NKAIN2: variants seen among roughly 807,000 people sequenced by gnomAD.
The protein encoded by NKAIN2 is sodium/potassium transporting ATPase interacting 2, also known as sodium/potassium-transporting ATPase subunit beta-1-interacting protein 2.
In NKAIN2, 14 loss-of-function variants were observed where a neutral mutation model predicts 32.6. The observed-to-expected ratio is 0.43, with a 90% CI of 0.28 to 0.67. NKAIN2 has a LOEUF of 0.67. NKAIN2 is among the 30% of genes least tolerant of loss of function. NKAIN2 has a pLI of 0.17. For missense variants in NKAIN2, 198 were observed against 258.3 expected, an observed-to-expected ratio of 0.77 and a Z score of 1.60; for synonymous variants, 80 against 87.2, an observed-to-expected ratio of 0.92 and a Z score of 0.46.
intron 3 of NKAIN2, among the ~76,000 whole-genome samples, chr6:124,375,066 C>T (rs985112064): frequency 6.6e-6 from 1 of 151,942 alleles, no homozygotes; most frequent in Non-Finnish European, 1.5e-5. Flanking sequence ...ATTCCATCTG[C>T]CTAGAGCCTT....
At chr6:124,231,596 T>G (rs1792464527) in intron 1 of NKAIN2, among the ~76,000 whole-genome samples, 1 of 152,118 alleles carries the variant, frequency 6.6e-6, no homozygotes, top group African/African-American at 2.4e-5. Flanking sequence ...GCTGTTCTTG[T>G]GATAGTGAAT....
rs9388368 is a variant in NKAIN2 at position 124,728,325 on chromosome 6, T to C, written c.475-63014T>C. On this transcript the variant is annotated intron_variant, in intron 4 of 6. Transcript: ENST00000368417. ...CTTGGAAGTAAAGCTCTCCTCAGCA[T>C]ATGTAAAAGAAGAGAAATTATAACA... Among the ~76,000 whole-genome samples the C allele has an allele frequency of 6.6e-5, 5 of 75,930 alleles. 1 individual carries two copies. Among genetic ancestry groups the C allele is most frequent in the East Asian group, 1.0e-3 (2 of 1,978 alleles). The allele number at this position is 75,930 out of a possible 152,430, so 49.8% of individuals were successfully genotyped here.
intron 3 of NKAIN2, among the ~76,000 whole-genome samples, chr6:124,359,922 C>G (rs1313919007): frequency 6.6e-6 from 1 of 152,242 alleles, no homozygotes; most frequent in Non-Finnish European, 1.5e-5. Flanking sequence ...TCATAGATAA[C>G]TCTTATTATT....
At chr6:123,928,753 G>T (rs1776121099) in intron 1 of NKAIN2, among the ~76,000 whole-genome samples, 1 of 152,116 alleles carries the variant, frequency 6.6e-6, no homozygotes, top group African/African-American at 2.4e-5. Context: ...TTCATTTCTA[G>T]TCATATATCA....
chr6:124,262,053 G>A (rs1794278986), intron 1 of NKAIN2, among the ~76,000 whole-genome samples: 1 of 152,026 alleles, frequency 6.6e-6, no homozygotes, highest in African/African-American at 2.4e-5. Flanking sequence ...TGAGGGCAGA[G>A]CCAGGTGTTA....
intron 5 of NKAIN2, among the ~76,000 whole-genome samples, chr6:124,807,134 T>A (rs1290689910): frequency 5.9e-5 from 9 of 151,926 alleles, no homozygotes; most frequent in Admixed American, 3.9e-4. Flanking sequence ...CTGCACCAAG[T>A]GGACCTAATA....
At chr6:124,687,458 A>T (rs1428440309) in intron 4 of NKAIN2, among the ~76,000 whole-genome samples, 1 of 13,694 alleles carries the variant, frequency 7.3e-5, no homozygotes, top group African/African-American at 2.4e-4. Context: ...TATATATTCC[A>T]TATATACACA....
chr6:124,646,472 A>G (rs184748950), intron 3 of NKAIN2, among the ~76,000 whole-genome samples: 257 of 152,230 alleles, frequency 1.7e-3, no homozygotes, highest in African/African-American at 6.0e-3. Context: ...GAAAGAGTGG[A>G]AGGGAGGAAA....
At chr6:123,907,200 A>C (rs1191270892) in intron 1 of NKAIN2, among the ~76,000 whole-genome samples, 1 of 152,222 alleles carries the variant, frequency 6.6e-6, no homozygotes, top group Non-Finnish European at 1.5e-5. Flanking sequence ...CAAAATTCAT[A>C]GGAAAAAAAC....
chr6:123,860,564 C>T (rs1431311313), intron 1 of NKAIN2, among the ~76,000 whole-genome samples: 1 of 152,042 alleles, frequency 6.6e-6, no homozygotes, highest in Non-Finnish European at 1.5e-5. Flanking sequence ...GCACATGCCA[C>T]CATACCCAGC....
intron 4 of NKAIN2, among the ~76,000 whole-genome samples, chr6:124,694,283 C>A (rs916152364): frequency 6.6e-6 from 1 of 152,196 alleles, no homozygotes; most frequent in Non-Finnish European, 1.5e-5. Flanking sequence ...GAGGCTCACT[C>A]AAGCAGTCGC....
chr6:124,417,859 C>T (rs1342182074), intron 3 of NKAIN2, among the ~76,000 whole-genome samples: 1 of 152,120 alleles, frequency 6.6e-6, no homozygotes, highest in East Asian at 1.9e-4. Flanking sequence ...CAAGGAATTA[C>T]AAGACATCCT....
intron 3 of NKAIN2, among the ~76,000 whole-genome samples, chr6:124,570,820 C>A (rs1044671860): frequency 3.9e-5 from 6 of 152,180 alleles, no homozygotes; most frequent in Non-Finnish European, 5.9e-5. Flanking sequence ...AAGAGGGCCA[C>A]CATCCTCCAG....
intron 1 of NKAIN2, among the ~76,000 whole-genome samples, chr6:124,239,043 G>T (rs1169311249): frequency 2.0e-5 from 3 of 151,988 alleles, no homozygotes; most frequent in African/African-American, 7.2e-5. Context: ...ACACACATAG[G>T]CTCAAAATAA....
chr6:124,749,947 G>A (rs1777634507), intron 4 of NKAIN2, among the ~76,000 whole-genome samples: 1 of 151,348 alleles, frequency 6.6e-6, no homozygotes, highest in Admixed American at 6.6e-5. Context: ...TTTCTGCTTG[G>A]ATGGAACTTC....
chr6:124,490,415 T>TG (rs796280878), intron 3 of NKAIN2: 145 of 405,016 alleles, frequency 3.6e-4, no homozygotes, highest in African/African-American at 2.8e-3. Context: ...CATAGAGGTT[T>TG]TTTTTTTTTT....
chr6:124,304,464 T>C (rs552861586), intron 2 of NKAIN2, among the ~76,000 whole-genome samples: 2 of 151,680 alleles, frequency 1.3e-5, no homozygotes, highest in East Asian at 1.9e-4. Flanking sequence ...ATAAAATGAG[T>C]GCAGAAAAAA....
chr6:124,356,488 C>T (rs986755099), intron 3 of NKAIN2, among the ~76,000 whole-genome samples: 1 of 152,156 alleles, frequency 6.6e-6, no homozygotes, highest in Non-Finnish European at 1.5e-5. Flanking sequence ...AGAACCAAAA[C>T]TTCTTGGATG....
intron 1 of NKAIN2, among the ~76,000 whole-genome samples, chr6:123,987,174 A>T (rs537704660): frequency 6.6e-6 from 1 of 152,258 alleles, no homozygotes; most frequent in South Asian, 2.1e-4. Flanking sequence ...GAAGTAAGAG[A>T]TGAGTCTCTT....
Sources: allele counts gnomAD v4.1 joint callset (sites outside exome capture counted in the v4.1 genomes callset), GRCh38; gene constraint gnomAD v4.1.1; transcripts MANE v1.5; gene names NCBI Gene and HGNC (gene_info 2026-07-23, HGNC 2026-07-21).